GLIS3: variants seen among roughly 807,000 people sequenced by gnomAD.
GLIS3 encodes GLIS family zinc finger 3.
Under a neutral mutation model 78.6 loss-of-function variants are expected in GLIS3, and 53 were observed. That is an observed-to-expected ratio of 0.67 (90% confidence interval 0.54 to 0.85). The LOEUF is 0.85. GLIS3 is among the 40% of genes least tolerant of loss of function. The probability of loss-of-function intolerance (pLI) is 0.00; values close to 1 mark genes in which losing one functional copy is unlikely to be tolerated. For synonymous variants in GLIS3, 684 were observed against 509.9 expected (o/e 1.34, Z -4.60); for missense variants, 1,703 against 1,231.1 (o/e 1.38, Z -5.74).
chr9:3,997,278 G>C (rs768732224), intron 4 of GLIS3, among the ~76,000 whole-genome samples: 2 of 152,084 alleles, frequency 1.3e-5, no homozygotes, highest in South Asian at 4.1e-4. Flanking sequence ...CTCAGGAGGC[G>C]GAGGTTGAGG....
intron 4 of GLIS3, among the ~76,000 whole-genome samples, chr9:3,968,948 T>C (rs1281186959): frequency 6.6e-6 from 1 of 152,236 alleles, no homozygotes; most frequent in Non-Finnish European, 1.5e-5. Context: ...CCACAGAGTC[T>C]AGGGACAAGA....
intron 4 of GLIS3, among the ~76,000 whole-genome samples, chr9:4,075,411 CAA>C (rs59194808): frequency 5.9e-5 from 7 of 118,140 alleles, no homozygotes; most frequent in Admixed American, 9.2e-5. Context: ...ACTAAAAATA[CAA>C]AAAAAAAAAA....
chr9:4,221,599 C>A (rs946822909), intron 2 of GLIS3, among the ~76,000 whole-genome samples: 1 of 152,012 alleles, frequency 6.6e-6, no homozygotes, highest in African/African-American at 2.4e-5. Flanking sequence ...CAAGTCCCCC[C>A]TTTAATATCA....
chr9:4,086,717 G>C (rs903780708), intron 4 of GLIS3, among the ~76,000 whole-genome samples: 1 of 152,180 alleles, frequency 6.6e-6, no homozygotes, highest in Non-Finnish European at 1.5e-5. Context: ...GTGCTGAGCA[G>C]GCTCTACAGC....
At chr9:4,359,620 G>A in the GLIS3 span, among the ~76,000 whole-genome samples, 1 of 152,146 alleles carries the variant, frequency 6.6e-6, no homozygotes, top group Admixed American at 6.6e-5. Flanking sequence ...GGAGTATACA[G>A]TACCCGTGAG....
At chr9:4,343,458 G>C (rs1334367487) in intron 2 of GLIS3, among the ~76,000 whole-genome samples, 1 of 152,216 alleles carries the variant, frequency 6.6e-6, no homozygotes, top group Non-Finnish European at 1.5e-5. Flanking sequence ...CTTATACACT[G>C]CTGGCAGAAA....
intron 4 of GLIS3, among the ~76,000 whole-genome samples, chr9:4,098,651 T>C (rs566634641): frequency 6.6e-6 from 1 of 152,320 alleles, no homozygotes; most frequent in African/African-American, 2.4e-5. Flanking sequence ...CTCAAATTTA[T>C]TGAAATATTC....
intron 4 of GLIS3, among the ~76,000 whole-genome samples, chr9:3,983,101 G>C (rs1485390374): frequency 1.3e-5 from 2 of 152,174 alleles, no homozygotes; most frequent in African/African-American, 4.8e-5. Flanking sequence ...AATGTGTCAG[G>C]AGAGGAACAT....
chr9:4,207,004 G>A (rs7863424), intron 2 of GLIS3, among the ~76,000 whole-genome samples: 46,227 of 151,968 alleles, frequency 0.3, 7,584 homozygotes, highest in Non-Finnish European at 0.38. Context: ...AGAGCCAGAG[G>A]GGATGGAAGC....
upstream of GLIS3, among the ~76,000 whole-genome samples, chr9:4,352,131 G>C (rs1161629370): frequency 6.6e-6 from 1 of 152,194 alleles, no homozygotes; most frequent in African/African-American, 2.4e-5. Context: ...TGTTATTATA[G>C]AGGAAGCTTG....
At chr9:4,044,603 T>C (rs866321629) in intron 4 of GLIS3, among the ~76,000 whole-genome samples, 1 of 152,116 alleles carries the variant, frequency 6.6e-6, no homozygotes, top group East Asian at 1.9e-4. Context: ...TGACTGTCTT[T>C]GGGTCAGGTG....
intron 2 of GLIS3, among the ~76,000 whole-genome samples, chr9:4,135,791 A>G (rs1335295714): frequency 6.6e-6 from 1 of 152,180 alleles, no homozygotes; most frequent in East Asian, 1.9e-4. Context: ...CCCATCTGCT[A>G]TGCAAAAACA....
intron 6 of GLIS3, among the ~76,000 whole-genome samples, chr9:3,926,168 G>T (rs1386185898): frequency 1.3e-5 from 2 of 151,536 alleles, no homozygotes; most frequent in East Asian, 3.9e-4. Flanking sequence ...GTAGTATCAG[G>T]TTCTTTTTTT....
chr9:3,983,208 T>C (rs111375037), intron 4 of GLIS3, among the ~76,000 whole-genome samples: 13 of 151,782 alleles, frequency 8.6e-5, no homozygotes, highest in African/African-American at 3.1e-4. Flanking sequence ...AAAAGGGGAG[T>C]TTCCCTGCAA....
chr9:4,464,917 T>A, the GLIS3 span, among the ~76,000 whole-genome samples: 1 of 152,220 alleles, frequency 6.6e-6, no homozygotes, highest in Admixed American at 6.5e-5. Context: ...CAAAATGGTA[T>A]TAAGATAAAA....
At chr9:4,251,157 T>C (rs1455287126) in intron 2 of GLIS3, among the ~76,000 whole-genome samples, 4 of 152,180 alleles carry the variant, frequency 2.6e-5, no homozygotes, top group Non-Finnish European at 4.4e-5. Flanking sequence ...GTCCTGAATA[T>C]CCTTGTTCAT....
intron 9 of GLIS3, among the ~76,000 whole-genome samples, chr9:3,842,839 G>C (rs571129038): frequency 6.6e-6 from 1 of 152,356 alleles, no homozygotes; most frequent in African/African-American, 2.4e-5. Flanking sequence ...AACAACAACA[G>C]AACGGCTCTA....
chr9:3,925,728 G>A (rs910025263), intron 6 of GLIS3, among the ~76,000 whole-genome samples: 1 of 152,090 alleles, frequency 6.6e-6, no homozygotes. Flanking sequence ...AATAATTTTT[G>A]TATTTGCTTT....
At chr9:4,039,771 A>T (rs751849176) in intron 4 of GLIS3, among the ~76,000 whole-genome samples, 1 of 152,210 alleles carries the variant, frequency 6.6e-6, no homozygotes, top group Non-Finnish European at 1.5e-5. Flanking sequence ...GGAGATGTTG[A>T]GTGTTTTTCA....
Sources: gnomAD v4.1 joint callset for allele counts (sites outside exome capture counted in the v4.1 genomes callset) on GRCh38, gnomAD v4.1.1 for gene constraint, MANE v1.5 for transcripts, NCBI Gene and HGNC (gene_info 2026-07-23, HGNC 2026-07-21) for gene names.